The following ZNF148 variants were observed in gnomAD, a reference collection of about 807,000 sequenced individuals.
ZNF148 encodes Beta-Enolase Repressor Factor-1.
Under a neutral mutation model 67.7 loss-of-function variants are expected in ZNF148, and 7 were observed. The observed-to-expected ratio is 0.10, with a 90% confidence interval of 0.06 to 0.19. ZNF148 has a LOEUF of 0.19. Ranked by LOEUF, ZNF148 falls within the 10% of genes least tolerant of loss-of-function variation. ZNF148 has a pLI of 1.00. For synonymous variants in ZNF148, 333 were observed against 330.7 expected (o/e 1.01, Z -0.08); for missense variants, 583 against 947.1 (o/e 0.62, Z 5.05).
intron 4 of ZNF148, 33 bp downstream of exon 4, chr3:125,313,275 C>A: frequency 1.3e-6 from 2 of 1,536,210 alleles, no homozygotes; most frequent in Non-Finnish European, 1.8e-6. Context: ...AATTATGTTT[C>A]TAAGTTTAAT....
At chr3:125,275,524 T>C (rs970259684) in intron 7 of ZNF148, among the ~76,000 whole-genome samples, 2 of 152,204 alleles carry the variant, frequency 1.3e-5, no homozygotes, top group Admixed American at 6.5e-5. Flanking sequence ...TTACTAGATA[T>C]ATACATTTGG....
intron 7 of ZNF148, among the ~76,000 whole-genome samples, chr3:125,241,149 C>T (rs943919422): frequency 2.0e-5 from 3 of 151,276 alleles, no homozygotes; most frequent in Admixed American, 2.0e-4. Context: ...CTTAAGGATC[C>T]CTATTTATGG....
At chr3:125,301,206 T>C (rs867300060) in intron 4 of ZNF148, among the ~76,000 whole-genome samples, 1 of 152,244 alleles carries the variant, frequency 6.6e-6, no homozygotes, top group Non-Finnish European at 1.5e-5. Context: ...ATGAGAAAGA[T>C]GTAGACGTTC....
intron 7 of ZNF148, among the ~76,000 whole-genome samples, chr3:125,248,924 T>C (rs1936715984): frequency 1.3e-5 from 2 of 152,206 alleles, no homozygotes; most frequent in South Asian, 4.1e-4. Context: ...TAAAGTGTCA[T>C]CTTAAAAATG....
intron 1 of ZNF148, among the ~76,000 whole-genome samples, chr3:125,352,337 G>A (rs931829088): frequency 2.0e-5 from 3 of 152,102 alleles, no homozygotes; most frequent in Non-Finnish European, 4.4e-5. Flanking sequence ...TCCAGAACAG[G>A]CAAAGTCCTA....
At position 125,249,144 on chromosome 3, in the gene ZNF148, CA is replaced by C. The variant is rs573221877; in HGVS notation, c.668-14816del. 8.2e-4 allele frequency among the ~76,000 whole-genome samples: 124 copies of C among 152,084 alleles called. 1 individual carries two copies. The South Asian group carries it at 0.01, about 13-fold the overall frequency. Reference sequence around the variant, plus strand: ...GGTAATGATTTTGTAGATATGACAACAAAACCATAAGCAAATAAAGCAAAAA... The same window carrying C: ...GGTAATGATTTTGTAGATATGACAACAAACCATAAGCAAATAAAGCAAAAA... On this transcript the variant is annotated intron_variant, in intron 7 of 8. Transcript: ENST00000360647.
At chr3:125,348,570 C>T (rs1039861100) in intron 1 of ZNF148, among the ~76,000 whole-genome samples, 6 of 150,062 alleles carry the variant, frequency 4.0e-5, no homozygotes, top group Non-Finnish European at 7.4e-5. Context: ...CTTGTATGCA[C>T]TGAAAACTAC....
intron 1 of ZNF148, among the ~76,000 whole-genome samples, chr3:125,338,317 T>A (rs951801349): frequency 6.6e-6 from 1 of 152,156 alleles, no homozygotes; most frequent in Admixed American, 6.5e-5. Flanking sequence ...TTTACAATGA[T>A]AGGTACATAT....
At chr3:125,283,318 C>T (rs1164112052) in intron 5 of ZNF148, among the ~76,000 whole-genome samples, 1 of 152,104 alleles carries the variant, frequency 6.6e-6, no homozygotes, top group African/African-American at 2.4e-5. Context: ...CACCAAATTT[C>T]CTTTTTAAAT....
chr3:125,280,078 T>C (rs1938296783), intron 5 of ZNF148, among the ~76,000 whole-genome samples: 1 of 152,146 alleles, frequency 6.6e-6, no homozygotes, highest in African/African-American at 2.4e-5. Context: ...ACTAAGGTTA[T>C]TCTAGAACTA....
At chr3:125,241,810 AT>A (rs1936378199) in intron 7 of ZNF148, among the ~76,000 whole-genome samples, 1 of 152,226 alleles carries the variant, frequency 6.6e-6, no homozygotes, top group Non-Finnish European at 1.5e-5. Context: ...TATGTTCATG[AT>A]TTTGAAATGT....
intron 5 of ZNF148, among the ~76,000 whole-genome samples, chr3:125,286,430 T>C (rs1938660212): frequency 1.3e-5 from 2 of 152,202 alleles, no homozygotes; most frequent in Admixed American, 1.3e-4. Flanking sequence ...TGCAGACAGA[T>C]ACACCTCAGG....
At chr3:125,259,335 T>C (rs1937233090) in intron 7 of ZNF148, among the ~76,000 whole-genome samples, 1 of 152,158 alleles carries the variant, frequency 6.6e-6, no homozygotes, top group African/African-American at 2.4e-5. Flanking sequence ...ATGACTAAAA[T>C]GAAATATAGC....
At chr3:125,292,274 T>C (rs1425572294) in intron 4 of ZNF148, among the ~76,000 whole-genome samples, 2 of 152,186 alleles carry the variant, frequency 1.3e-5, no homozygotes, top group Non-Finnish European at 2.9e-5. Context: ...CTACATTTGT[T>C]AGGGGAAAGT....
At chr3:125,349,924 T>C (rs1485808510) in intron 1 of ZNF148, among the ~76,000 whole-genome samples, 4 of 152,178 alleles carry the variant, frequency 2.6e-5, no homozygotes, top group Admixed American at 1.3e-4. Flanking sequence ...AAGAAATCAT[T>C]ATACCAAAAA....
chr3:125,330,093 T>G (rs1026204841), intron 2 of ZNF148, among the ~76,000 whole-genome samples: 2 of 152,178 alleles, frequency 1.3e-5, no homozygotes, highest in African/African-American at 4.8e-5. Context: ...ATGACAATTA[T>G]CAGAAGATAT....
Position 125,370,262 on chromosome 3 carries a change from T to A in ZNF148, c.-234+4840A>T, listed in dbSNP as rs117223209. ...TTCTAATCCAGTCTGTCTTCTTCCC[T>A]TAAATCTAAAGGTCCTCTCCAGATA... On this transcript the variant is annotated intron_variant, in intron 1 of 8. Transcript: ENST00000360647. Among the ~76,000 whole-genome samples the A allele has an allele frequency of 3.4e-3, 512 of 152,302 alleles. 24 individuals are homozygous for A. In the East Asian group the frequency reaches 0.068, roughly 20 times the overall value.
intron 7 of ZNF148, among the ~76,000 whole-genome samples, chr3:125,262,009 G>A (rs1209825914): frequency 6.6e-6 from 1 of 151,996 alleles, no homozygotes; most frequent in East Asian, 1.9e-4. Context: ...TCACCATACA[G>A]TTCTACTAAT....
chr3:125,292,158 G>A (rs1383693484), intron 4 of ZNF148, among the ~76,000 whole-genome samples: 1 of 152,188 alleles, frequency 6.6e-6, no homozygotes, highest in Non-Finnish European at 1.5e-5. Context: ...TCACAGAACA[G>A]GACAGGGAGG....
Sources: gnomAD v4.1 joint callset for allele counts (sites outside exome capture counted in the v4.1 genomes callset) on GRCh38, gnomAD v4.1.1 for gene constraint, MANE v1.5 for transcripts, NCBI Gene and HGNC (gene_info 2026-07-23, HGNC 2026-07-21) for gene names.